The following CSMD1 variants were observed in gnomAD, a reference collection of about 807,000 sequenced individuals.
The protein encoded by CSMD1 is CUB and Sushi multiple domains 1.
In CSMD1, 213 loss-of-function variants were observed where a neutral mutation model predicts 417.5. The ratio of observed to expected loss-of-function variants is 0.51; its 90% CI spans 0.46 to 0.57. The LOEUF is 0.57. Ranked by LOEUF, CSMD1 falls within the 20% of genes least tolerant of loss-of-function variation. CSMD1 has a pLI of 0.00. For synonymous variants in CSMD1, 2,862 were observed against 1,736.8 expected, an observed-to-expected ratio of 1.65 and a Z score of -16.11; for missense variants, 6,923 against 4,529.7, an observed-to-expected ratio of 1.53 and a Z score of -15.17.
chr8:4,240,200 A>T (rs757357995), intron 3 of CSMD1, among the ~76,000 whole-genome samples: 4 of 152,218 alleles, frequency 2.6e-5, no homozygotes, highest in Non-Finnish European at 4.4e-5. Context: ...CATAACTGTG[A>T]TTTTGACAAC....
chr8:4,362,469 T>C (rs1481085741), intron 3 of CSMD1, among the ~76,000 whole-genome samples: 1 of 152,198 alleles, frequency 6.6e-6, no homozygotes, highest in Non-Finnish European at 1.5e-5. Flanking sequence ...GCTGATAAGA[T>C]TACGGCTTTC....
chr8:4,058,036 T>C (rs1225735456), intron 3 of CSMD1, among the ~76,000 whole-genome samples: 2 of 151,658 alleles, frequency 1.3e-5, no homozygotes, highest in Non-Finnish European at 2.9e-5. Flanking sequence ...TGGTTCCATA[T>C]GAATTTTAAA....
In CSMD1 at chr8:4,404,298, C is replaced by G. The variant is rs145284062; in HGVS notation, c.415+15655G>C. Among the ~76,000 whole-genome samples, 12 of 152,162 alleles carry G rather than the reference C, an allele frequency of 7.9e-5. No homozygotes were observed. In the East Asian group the frequency reaches 2.3e-3, roughly 29 times the overall value. On this transcript the variant is annotated intron_variant, in intron 3 of 69. Transcript: ENST00000635120. The stretch of plus-strand genomic sequence containing the variant: ...TCACCTTATGATATGCTGTATATTT[C>G]AATCATGTATTTGTTTATGATGTGG...
chr8:4,621,037 A>G (rs1034809035), intron 2 of CSMD1, among the ~76,000 whole-genome samples: 2 of 152,074 alleles, frequency 1.3e-5, no homozygotes, highest in African/African-American at 4.8e-5. Flanking sequence ...TGAAAAATCC[A>G]TTTTTATCAT....
At chr8:4,591,380 A>T (rs566876855) in intron 2 of CSMD1, among the ~76,000 whole-genome samples, 2 of 152,234 alleles carry the variant, frequency 1.3e-5, no homozygotes, top group South Asian at 2.1e-4. Flanking sequence ...TGGATATATG[A>T]ATACAACTAT....
intron 22 of CSMD1, among the ~76,000 whole-genome samples, chr8:3,344,740 C>G (rs921925627): frequency 2.0e-5 from 3 of 152,080 alleles, no homozygotes; most frequent in Non-Finnish European, 2.9e-5. Flanking sequence ...CTTTCATTGT[C>G]TTTCAATCAA....
intron 3 of CSMD1, among the ~76,000 whole-genome samples, chr8:4,405,373 G>C (rs753568541): frequency 9.9e-5 from 15 of 151,288 alleles, no homozygotes; most frequent in East Asian, 9.7e-4. Context: ...TTTAGATTCT[G>C]GCACAAACTA....
At chr8:3,598,156 C>A (rs1036569370) in intron 8 of CSMD1, 1 of 152,036 alleles carries the variant, frequency 6.6e-6, no homozygotes, top group Admixed American at 6.5e-5. Flanking sequence ...TAAGTAGGAC[C>A]AAGCCAATCT....
Position 3,201,657 on chromosome 8 carries a change from G to C in CSMD1, c.5053C>G (p.His1685Asp). The C allele has an allele frequency of 6.2e-7, 1 of 1,606,580 alleles. No homozygotes were observed. The highest frequency in any genetic ancestry group is 8.5e-7 in the Non-Finnish European group (1 of 1,176,462). ...GAGCTGAGAAGTCTGGCCTGTGCAT[G>C]GGTTCCATCAAATAATTCTGCCAAA... is the stretch of plus-strand genomic sequence containing the variant. ...NDLAELFDGT[H>D]AQARLLSSLS... Residue 1685 changes from histidine (H) to aspartate (D), a missense_variant, in exon 32 of 70, where the codon CAT becomes GAT. Physicochemically the swap from His to Asp is moderately conservative, Grantham distance 81 (BLOSUM62 -1). Transcript: ENST00000635120.
At chr8:3,661,180 T>C (rs1383825509) in intron 7 of CSMD1, among the ~76,000 whole-genome samples, 1 of 152,188 alleles carries the variant, frequency 6.6e-6, no homozygotes, top group Admixed American at 6.5e-5. Context: ...GAATTGCAAC[T>C]AACTGAACAG....
At chr8:4,566,895 C>CAATGAGAAAAATTCAATTTAGG in intron 2 of CSMD1, among the ~76,000 whole-genome samples, 1 of 151,426 alleles carries the variant, frequency 6.6e-6, no homozygotes, top group Non-Finnish European at 1.5e-5. Flanking sequence ...TGTTTTCCAG[C>CAATGAGAAAAATTCAATTTAGG]AATGAGAAAA....
chr8:3,005,165 A>G (rs913187770), intron 52 of CSMD1, among the ~76,000 whole-genome samples: 2 of 152,098 alleles, frequency 1.3e-5, no homozygotes, highest in African/African-American at 4.8e-5. Flanking sequence ...AATAACAATA[A>G]TACGGTGAAA....
At chr8:4,687,997 G>C (rs1806500198) in intron 1 of CSMD1, among the ~76,000 whole-genome samples, 1 of 151,978 alleles carries the variant, frequency 6.6e-6, no homozygotes, top group Non-Finnish European at 1.5e-5. Context: ...GATTCTATCT[G>C]GTGTGTATTT....
intron 3 of CSMD1, among the ~76,000 whole-genome samples, chr8:4,292,999 G>A (rs188234045): frequency 4.9e-4 from 74 of 152,324 alleles, no homozygotes; most frequent in African/African-American, 1.7e-3. Context: ...TTCTTCAGGT[G>A]CAGAGGGGCA....
chr8:4,480,189 A>C (rs74370781), intron 2 of CSMD1, among the ~76,000 whole-genome samples: 4 of 144,892 alleles, frequency 2.8e-5, no homozygotes, highest in Non-Finnish European at 4.6e-5. Context: ...TTATCTCACA[A>C]AAAAAAAAAA....
At chr8:3,299,308 T>C (rs1346697796) in intron 25 of CSMD1, among the ~76,000 whole-genome samples, 1 of 151,894 alleles carries the variant, frequency 6.6e-6, no homozygotes, top group East Asian at 1.9e-4. Context: ...AAAAATCAGC[T>C]GGGCATGGTG....
chr8:4,773,317 A>G (rs1222212641), intron 1 of CSMD1, among the ~76,000 whole-genome samples: 2 of 152,146 alleles, frequency 1.3e-5, no homozygotes, highest in Non-Finnish European at 2.9e-5. Context: ...ATAAACTTGC[A>G]GTTCTGCCTT....
chr8:4,420,518 A>G (rs1041342670), intron 2 of CSMD1, among the ~76,000 whole-genome samples: 6 of 152,080 alleles, frequency 3.9e-5, no homozygotes, highest in Non-Finnish European at 7.4e-5. Context: ...ATTTTTCCTA[A>G]TTCACTATTT....
intron 34 of CSMD1, among the ~76,000 whole-genome samples, chr8:3,189,343 GA>G (rs1266663543): frequency 6.6e-6 from 1 of 152,232 alleles, no homozygotes; most frequent in Non-Finnish European, 1.5e-5. Context: ...GACCTTGGCA[GA>G]GTTTTCTCTT....
Sources: gnomAD v4.1 joint callset for allele counts (sites outside exome capture counted in the v4.1 genomes callset) on GRCh38, gnomAD v4.1.1 for gene constraint, MANE v1.5 for transcripts, NCBI Gene and HGNC (gene_info 2026-07-23, HGNC 2026-07-21) for gene names.